USP15: variants seen among roughly 807,000 people sequenced by gnomAD.
USP15 encodes ubiquitin specific peptidase 15, also known as ubiquitin carboxyl-terminal hydrolase 15.
A neutral mutation model predicts 127.1 loss-of-function variants in USP15; 18 were observed. That is an observed-to-expected ratio of 0.14 (90% CI 0.10 to 0.21). The LOEUF is 0.21. Ranked by LOEUF, USP15 falls within the 10% of genes least tolerant of loss-of-function variation. The probability of loss-of-function intolerance (pLI) is 1.00; values close to 1 mark genes in which losing one functional copy is unlikely to be tolerated. For missense variants in USP15, 805 were observed against 1,159.9 expected (o/e 0.69, Z 4.44); for synonymous variants, 364 against 393.7 (o/e 0.92, Z 0.89).
intron 4 of USP15, among the ~76,000 whole-genome samples, chr12:62,317,822 CA>C (rs1358125790): frequency 6.6e-6 from 1 of 152,158 alleles, no homozygotes; most frequent in African/African-American, 2.4e-5. Context: ...ATTTACCTAT[CA>C]GGGCCAAAAT....
chr12:62,286,660 G>A (rs937350034), intron 1 of USP15, among the ~76,000 whole-genome samples: 11 of 152,078 alleles, frequency 7.2e-5, no homozygotes, highest in Admixed American at 6.5e-5. Context: ...ATACATGGCC[G>A]GGCGTGGTGG....
rs2137171088 is a variant in USP15 at position 62,297,929 on chromosome 12, A to G, written c.217+3623A>G. On this transcript the variant is annotated intron_variant, in intron 2 of 21. Coordinates refer to ENST00000280377, the MANE Select transcript of USP15 (RefSeq NM_001252078.2). ...CATAGACAACTTAACAAAACAAGAA[A>G]AATAAAAATTCACAAAATTAAAATA... 2.6e-5 allele frequency among the ~76,000 whole-genome samples: 4 copies of G among 152,332 alleles called. No homozygotes were observed. The South Asian group carries it at 8.3e-4, about 32-fold the overall frequency.
At chr12:62,348,852 G>A (rs1479927478) in intron 6 of USP15, among the ~76,000 whole-genome samples, 1 of 152,072 alleles carries the variant, frequency 6.6e-6, no homozygotes, top group Non-Finnish European at 1.5e-5. Flanking sequence ...GAATGCCATG[G>A]TGTACCAGTG....
At chr12:62,401,162 A>T (rs765642306) in intron 20 of USP15, 25 bp from the exon 21 acceptor site, 3 of 1,565,282 alleles carry the variant, frequency 1.9e-6, no homozygotes, top group African/African-American at 1.4e-5. Context: ...CATTTTCGTC[A>T]CAGTGATTAT....
chr12:62,317,874 G>C (rs996611977), intron 4 of USP15, among the ~76,000 whole-genome samples: 2 of 152,144 alleles, frequency 1.3e-5, no homozygotes, highest in East Asian at 1.9e-4. Flanking sequence ...TGATATATTT[G>C]AGCATTGAGC....
chr12:62,415,568 T>C lies in USP15; in HGVS notation c.*11193T>C, dbSNP rs2068136497. ...GCCTACCACTTTTGTGCAACTCACC[T>C]CACCTCTCTGCCTTTCACCTCTCTG... On this transcript the variant is annotated 3_prime_UTR_variant, in exon 22 of 22. Transcript: ENST00000280377. 2 of 152,218 alleles carry C rather than the reference T, an allele frequency of 1.3e-5. No individual in the cohort carries two copies. The highest frequency in any genetic ancestry group is 4.1e-4 in the South Asian group (2 of 4,828). 9.4% of individuals were successfully genotyped at this position (152,218 alleles called of 1,614,324 possible).
intron 1 of USP15, among the ~76,000 whole-genome samples, chr12:62,268,915 C>A (rs185684810): frequency 5.8e-4 from 89 of 152,216 alleles, no homozygotes; most frequent in African/African-American, 2.1e-3. Flanking sequence ...CTCTCCCAAA[C>A]TCCTCTGTTC....
At chr12:62,380,428 T>G (rs1022606572) in intron 8 of USP15, among the ~76,000 whole-genome samples, 1 of 152,060 alleles carries the variant, frequency 6.6e-6, no homozygotes, top group Non-Finnish European at 1.5e-5. Context: ...TCTGTGTGAA[T>G]TCAACAGGCT....
chr12:62,400,586 G>A, intron 20 of USP15, among the ~76,000 whole-genome samples: 1 of 141,590 alleles, frequency 7.1e-6, no homozygotes, highest in African/African-American at 2.7e-5. Flanking sequence ...CTACACTTTT[G>A]TTAAAGACTA....
chr12:62,381,687 G>A, intron 9 of USP15, 24 bp downstream of exon 9: 1 of 1,595,222 alleles, frequency 6.3e-7, no homozygotes, highest in Non-Finnish European at 8.6e-7. Flanking sequence ...ATGCATTTTA[G>A]CAAGGGTACC....
rs561814184 is a variant in USP15, at chr12:62,400,982, A to G, written c.2675-205A>G. On this transcript the variant is annotated intron_variant, in intron 20 of 21. Transcript: ENST00000280377. ...TGTTTTTTCCTGAGATGAAAAAAGA[A>G]TGTTTCAACTTACATGAAAATTATT... Among the ~76,000 whole-genome samples, 14 of 152,220 alleles carry G rather than the reference A, an allele frequency of 9.2e-5. No individual in the cohort carries two copies. In the South Asian group the frequency reaches 2.9e-3, roughly 32 times the overall value.
chr12:62,387,909 G>A (rs540073214), intron 11 of USP15, among the ~76,000 whole-genome samples: 15 of 152,156 alleles, frequency 9.9e-5, no homozygotes, highest in East Asian at 3.9e-4. Flanking sequence ...GAACATAGAC[G>A]CTAAGGTTAG....
In USP15 at chr12:62,415,565, ACCT is replaced by A. The variant is rs1428409816; in HGVS notation, c.*11192_*11194del. 1 of 152,074 alleles carries A rather than the reference ACCT, an allele frequency of 6.6e-6. No homozygotes were observed. Among genetic ancestry groups the A allele is most frequent in the African/African-American group, 2.4e-5 (1 of 41,368 alleles). 9.4% of individuals were successfully genotyped at this position (152,074 alleles called of 1,614,324 possible). A position where few individuals can be genotyped will look rare whatever the true frequency, so the allele number is the denominator to read the frequency against. ...TGAGCCTACCACTTTTGTGCAACTC[ACCT>A]CACCTCTCTGCCTTTCACCTCTCTG... is the stretch of plus-strand genomic sequence containing the variant. On this transcript the variant is annotated 3_prime_UTR_variant, in exon 22 of 22. Coordinates refer to ENST00000280377, the MANE Select transcript of USP15 (RefSeq NM_001252078.2).
At chr12:62,336,200 G>A in intron 6 of USP15, 1 of 985,302 alleles carries the variant, frequency 1.0e-6, no homozygotes, top group Non-Finnish European at 1.2e-6. Flanking sequence ...CTCTCCCCCA[G>A]CTCAAACTGA....
At chr12:62,336,933 AT>A (rs2065485764) in intron 6 of USP15, among the ~76,000 whole-genome samples, 1 of 152,256 alleles carries the variant, frequency 6.6e-6, no homozygotes, top group South Asian at 2.1e-4. Flanking sequence ...CTGAAACCAT[AT>A]CAATGAACCT....
chr12:62,401,404 AACTC>A, intron 21 of USP15, 129 bp downstream of exon 21: 1 of 564,844 alleles, frequency 1.8e-6, no homozygotes. Context: ...AAAAGACACT[AACTC>A]TTATTTAAAG....
chr12:62,276,746 A>G (rs1159843219), intron 1 of USP15, among the ~76,000 whole-genome samples: 3 of 152,136 alleles, frequency 2.0e-5, no homozygotes, highest in African/African-American at 4.8e-5. Context: ...AAAATTCTTC[A>G]AGACTTACGT....
rs979881320 is a variant in USP15, at chr12:62,396,454, T to A, written c.2674+56T>A. 2.1e-6 allele frequency: 3 copies of A among 1,441,578 alleles called. No homozygotes were observed. In the Admixed American group the frequency reaches 5.1e-5, roughly 24 times the overall value. 89.3% of individuals were successfully genotyped at this position (1,441,578 alleles called of 1,614,324 possible). On this transcript the variant is annotated intron_variant, in intron 20 of 21. Transcript: ENST00000280377. ...TCATGGTGTTTGAAGAACTCCAGACTTTTTTCTTTAAGATATTTATTACTT... is the reference window on the plus strand; with the variant it reads ...TCATGGTGTTTGAAGAACTCCAGACATTTTTCTTTAAGATATTTATTACTT...
At chr12:62,329,067 AATTCACTTATATTTAGTGAAT>A (rs944578640) in intron 6 of USP15, among the ~76,000 whole-genome samples, 19 of 152,228 alleles carry the variant, frequency 1.2e-4, no homozygotes, top group South Asian at 2.1e-4. Context: ...ATATTTAATG[AATTCACTTATATTTAGTGAAT>A]ATTCACTTAT....
Sources: allele counts gnomAD v4.1 joint callset (sites outside exome capture counted in the v4.1 genomes callset), GRCh38; gene constraint gnomAD v4.1.1; transcripts MANE v1.5; gene names NCBI Gene and HGNC (gene_info 2026-07-23, HGNC 2026-07-21).